The following XPC variants were observed in gnomAD, a reference collection of about 807,000 sequenced individuals.
The protein encoded by XPC is XPC complex subunit, DNA damage recognition and repair factor.
In XPC, 76 loss-of-function variants were observed where a neutral mutation model predicts 95.8. That is an observed-to-expected ratio of 0.79 (90% CI 0.66 to 0.96). The LOEUF is 0.96. Among genes scored for constraint, XPC ranks in the 40% least tolerant of loss-of-function variants. The pLI is 0.00. For missense variants in XPC, 1,146 were observed against 1,179.8 expected (o/e 0.97, Z 0.42); for synonymous variants, 442 against 442.1 (o/e 1.00, Z 0.00).
intron 11 of XPC, among the ~76,000 whole-genome samples, chr3:14,150,698 GA>G (rs1695652379): frequency 6.6e-6 from 1 of 152,202 alleles, no homozygotes; most frequent in South Asian, 2.1e-4. Flanking sequence ...GGTGGAACAG[GA>G]GCTCAGAGGC....
chr3:14,168,573 TTCGTGTG>T (rs1348671708), intron 3 of XPC, among the ~76,000 whole-genome samples, 193 bp from the exon 4 acceptor site: 1 of 151,946 alleles, frequency 6.6e-6, no homozygotes, highest in East Asian at 1.9e-4. Context: ...GTGTTATATA[TTCGTGTG>T]TCTCATTTAA....
chr3:14,156,495 A>T lies in XPC; in HGVS notation c.1873T>A (p.Phe625Ile), dbSNP rs1007266189. 6.2e-6 allele frequency: 10 copies of T among 1,613,768 alleles called. No individual in the cohort carries two copies. The highest frequency in any genetic ancestry group is 5.9e-6 in the Non-Finnish European group (7 of 1,179,848). The change falls in exon 10 of 16, where the codon TTT becomes ATT. Residue 625 changes from phenylalanine (F) to isoleucine (I), a missense_variant and splice_region_variant. By Grantham distance (21) the Phe-to-Ile change is conservative. Transcript: ENST00000285021. Reference sequence around the variant, plus strand: ...GGCTGGTCCATGTGTTTAGCCTGAAACTGCAAAGGCCAGACAGACAAGGTT... The same window carrying T: ...GGCTGGTCCATGTGTTTAGCCTGAATCTGCAAAGGCCAGACAGACAAGGTT... ...MDREKKEDLE[F>I]QAKHMDQPLP...
At chr3:14,148,139 C>T (rs906809654) in intron 13 of XPC, 138 bp from the exon 14 acceptor site, 1 of 714,962 alleles carries the variant, frequency 1.4e-6, no homozygotes, top group South Asian at 1.9e-5. Flanking sequence ...GCCAGTGTCC[C>T]ACATCCTCCG....
rs1158663983 is a variant in XPC, at chr3:14,148,568, T to C, written c.2414A>G (p.His805Arg). Residue 805 changes from histidine (H) to arginine (R), a missense_variant, in exon 13 of 16, where the codon CAT becomes CGT. His to Arg is a conservative substitution (Grantham distance 29, BLOSUM62 0). Transcript: ENST00000285021. Reference sequence around the variant, plus strand: ...TCGAAGGCCCCTCACGCACACGGGATGGGAGTAGCCGCCATGGAAATCAAA... The same window carrying C: ...TCGAAGGCCCCTCACGCACACGGGACGGGAGTAGCCGCCATGGAAATCAAA... ...TGFDFHGGYS[H>R]PVTDGYIVCE... 3.1e-6 allele frequency: 5 copies of C among 1,613,782 alleles called. No homozygotes were observed. The highest frequency in any genetic ancestry group is 4.2e-6 in the Non-Finnish European group (5 of 1,179,796).
At position 14,158,866 on chromosome 3, in the gene XPC, C is replaced by A; in HGVS notation, c.1017G>T (p.Leu339Phe). The part of the protein sequence containing the change: ...AKGKKPSKER[L>F]TADPGGSSET... ...CTGAGGAGCCTCCTGGATCCGCAGT[C>A]AATCTTTCCTTGGAAGGTTTCTTTC... Residue 339 changes from leucine to phenylalanine, a missense_variant, in exon 9 of 16, where the codon TTG becomes TTT. Physicochemically the swap from Leu to Phe is conservative, Grantham distance 22. Coordinates refer to ENST00000285021, the MANE Select transcript of XPC (RefSeq NM_004628.5). This position sits in a 1 kb window ranked among gnomAD's most constrained non-coding sequence, Gnocchi z 5.2. The A allele has an allele frequency of 6.2e-7, 1 of 1,613,984 alleles. No homozygotes were observed. The highest frequency in any genetic ancestry group is 1.1e-5 in the South Asian group (1 of 91,076).
At position 14,150,982 on chromosome 3, in the gene XPC, CAGAA is replaced by C. The variant is rs1333461466; in HGVS notation, c.2115+1349_2115+1352del. 1.3e-5 allele frequency among the ~76,000 whole-genome samples: 2 copies of C among 152,126 alleles called. 1 individual carries two copies. Reference sequence around the variant, plus strand: ...GTGGGACAAGGATGGCCAAGATGCACAGAAAGAGCCTAGTGACTGACAGGGGAAT... The same window carrying C: ...GTGGGACAAGGATGGCCAAGATGCACAGAGCCTAGTGACTGACAGGGGAAT... On this transcript the variant is annotated intron_variant, in intron 11 of 15. Coordinates refer to ENST00000285021, the MANE Select transcript of XPC (RefSeq NM_004628.5).
At chr3:14,148,472 C>G (rs1464897103) in intron 13 of XPC, 90 bp downstream of exon 13, 1 of 1,533,314 alleles carries the variant, frequency 6.5e-7, no homozygotes, top group African/African-American at 1.4e-5. Context: ...CCTCAACTCC[C>G]AGCAGCCCCA....
intron 1 of XPC, among the ~76,000 whole-genome samples, chr3:14,177,705 ATTTTTT>A (rs34014908): frequency 6.8e-6 from 1 of 147,240 alleles, no homozygotes; most frequent in Non-Finnish European, 1.5e-5. Flanking sequence ...GCAGGGCATG[ATTTTTT>A]TTTTTTTTAA....
At chr3:14,147,120 T>C (rs1303668746) in intron 15 of XPC, among the ~76,000 whole-genome samples, 170 bp downstream of exon 15, 1 of 152,198 alleles carries the variant, frequency 6.6e-6, no homozygotes, top group African/African-American at 2.4e-5. Context: ...CAGGGACACC[T>C]TTCCCAACAA....
intron 4 of XPC, 101 bp from the exon 5 acceptor site, chr3:14,167,354 T>G (rs1696426121): frequency 9.8e-7 from 1 of 1,017,100 alleles, no homozygotes; most frequent in Admixed American, 2.4e-5. Flanking sequence ...TGAATCACTC[T>G]CCCTGTTTCC....
intron 2 of XPC, among the ~76,000 whole-genome samples, chr3:14,172,240 C>T (rs1301938684): frequency 6.6e-6 from 1 of 152,194 alleles, no homozygotes; most frequent in Non-Finnish European, 1.5e-5. Flanking sequence ...GGTTCCAGCC[C>T]TCTGAGAGGT....
Position 14,158,052 on chromosome 3 carries a change from G to A in XPC, c.1831C>T (p.Gln611Ter), listed in dbSNP as rs1695990535. The A allele has an allele frequency of 6.2e-7, 1 of 1,611,234 alleles. No homozygotes were observed. Among genetic ancestry groups the A allele is most frequent in the African/African-American group, 1.3e-5 (1 of 74,844 alleles). Residue 611 changes from glutamine to a stop codon, truncating the protein, a stop_gained, in exon 9 of 16, where the codon CAG becomes TAG. Coordinates refer to ENST00000285021, the MANE Select transcript of XPC (RefSeq NM_004628.5). LOFTEE classifies it high-confidence loss of function. The surrounding 1 kb of genome is among the most constrained non-coding windows in gnomAD (Gnocchi z 5.2). ...EWWAETLRPY[Q>*]SPFMDREKKE... ...TTCTCCCTGTCCATAAATGGGCTCTGGTATGGTCTCAAGGTCTCGGCCCAC... is the reference window on the plus strand; with the variant it reads ...TTCTCCCTGTCCATAAATGGGCTCTAGTATGGTCTCAAGGTCTCGGCCCAC...
intron 7 of XPC, chr3:14,160,038 T>C: frequency 1.9e-6 from 1 of 520,206 alleles, no homozygotes; most frequent in Non-Finnish European, 3.3e-6. Context: ...ATGCTCATCA[T>C]ATATTAAAGG....
At chr3:14,157,351 C>A (rs1309586411) in intron 9 of XPC, among the ~76,000 whole-genome samples, 1 of 152,110 alleles carries the variant, frequency 6.6e-6, no homozygotes, top group South Asian at 2.1e-4. Flanking sequence ...AATAAACCTG[C>A]GACAAATCTG....
Position 14,178,428 on chromosome 3 carries a change from C to T in XPC, c.103+38G>A, listed in dbSNP as rs750752644. 15 of 1,567,830 alleles carry T rather than the reference C, an allele frequency of 9.6e-6. No individual in the cohort carries two copies. In the Admixed American group the frequency reaches 2.2e-4, roughly 23 times the overall value. ...CCTCTGGGCCTCCTCCGCCCACCGG[C>T]GGCGTCTCCCGCGAAGCCCGCTGGG... On this transcript the variant is annotated intron_variant, in intron 1 of 15. Transcript: ENST00000285021.
At chr3:14,170,199 T>A (rs1023816611) in intron 3 of XPC, among the ~76,000 whole-genome samples, 3 of 152,236 alleles carry the variant, frequency 2.0e-5, no homozygotes, top group African/African-American at 7.2e-5. Context: ...GTGCTGCCTC[T>A]CTATTTATAT....
chr3:14,168,530 CT>C, intron 3 of XPC, 150 bp from the exon 4 acceptor site: 1 of 926,802 alleles, frequency 1.1e-6, no homozygotes, highest in Admixed American at 2.6e-5. Context: ...ATGCCTTGCC[CT>C]GAGTCCTACC....
At chr3:14,165,038 G>C in intron 6 of XPC, 105 bp from the exon 7 acceptor site, 1 of 1,458,810 alleles carries the variant, frequency 6.9e-7, no homozygotes, top group Non-Finnish European at 9.1e-7. Context: ...AGACCCGCCT[G>C]CCTCTGTCCT....
At chr3:14,172,803 C>T in intron 2 of XPC, 64 bp downstream of exon 2, 2 of 1,539,004 alleles carry the variant, frequency 1.3e-6, no homozygotes, top group Non-Finnish European at 1.8e-6. Flanking sequence ...TAGAGGTTTT[C>T]ATTATTCACA....
Sources: allele counts gnomAD v4.1 joint callset (sites outside exome capture counted in the v4.1 genomes callset), GRCh38; gene constraint gnomAD v4.1.1; non-coding constraint Gnocchi (gnomAD v3.1); transcripts MANE v1.5; gene names NCBI Gene and HGNC (gene_info 2026-07-23, HGNC 2026-07-21).